The following EML6 variants were observed in gnomAD, a reference collection of about 807,000 sequenced individuals.
EML6 encodes the protein EMAP like 6, also known as echinoderm microtubule-associated protein-like 6.
Under a neutral mutation model 240.1 loss-of-function variants are expected in EML6, and 154 were observed. The ratio of observed to expected loss-of-function variants is 0.64; its 90% CI spans 0.56 to 0.73. The LOEUF (loss-of-function observed/expected upper bound fraction) is 0.73. Ranked by LOEUF, EML6 falls within the 30% of genes least tolerant of loss-of-function variation. The pLI is 0.00. For synonymous variants in EML6, 1,148 were observed against 899.0 expected, an observed-to-expected ratio of 1.28 and a Z score of -4.95; for missense variants, 2,964 against 2,474.6, an observed-to-expected ratio of 1.20 and a Z score of -4.20.
At chr2:54,792,925 A>AT (rs1465853039) in intron 2 of EML6, among the ~76,000 whole-genome samples, 3 of 152,206 alleles carry the variant, frequency 2.0e-5, no homozygotes, top group Non-Finnish European at 2.9e-5. Flanking sequence ...AAAAGAAATG[A>AT]TTTTTAAAGT....
In EML6 at chr2:54,802,032, A is replaced by G. The variant is rs138281673; in HGVS notation, c.198-11200A>G. 6.0e-3 allele frequency among the ~76,000 whole-genome samples: 907 copies of G among 152,296 alleles called. 6 individuals are homozygous for G. Among genetic ancestry groups the G allele is most frequent in the Non-Finnish European group, 9.6e-3 (655 of 68,018 alleles). ...CATCTTGCTCTTACTCAGATGTCTGAAGCTATACATGTCAACTTACTCATT... is the reference window on the plus strand; with the variant it reads ...CATCTTGCTCTTACTCAGATGTCTGGAGCTATACATGTCAACTTACTCATT... On this transcript the variant is annotated intron_variant, in intron 2 of 41. Transcript: ENST00000356458.
chr2:54,880,348 C>T (rs1671750928), intron 17 of EML6: 2 of 152,262 alleles, frequency 1.3e-5, no homozygotes, highest in Admixed American at 6.5e-5. Flanking sequence ...GTGTACCTCC[C>T]TGCTCGTTCT....
At chr2:54,801,222 G>A (rs1334096576) in intron 2 of EML6, among the ~76,000 whole-genome samples, 1 of 151,860 alleles carries the variant, frequency 6.6e-6, no homozygotes, top group Non-Finnish European at 1.5e-5. Context: ...CGGGAGGCTG[G>A]GGCAGGAGAG....
intron 16 of EML6, among the ~76,000 whole-genome samples, chr2:54,877,870 CTT>C (rs1419154443): frequency 6.6e-6 from 1 of 152,170 alleles, no homozygotes; most frequent in Non-Finnish European, 1.5e-5. Context: ...TTAAACCAGA[CTT>C]TTTCTTTCTC....
At chr2:54,905,213 C>T (rs1210479575) in intron 24 of EML6, among the ~76,000 whole-genome samples, 1 of 151,818 alleles carries the variant, frequency 6.6e-6, no homozygotes, top group African/African-American at 2.4e-5. Context: ...TCAGACCCTT[C>T]TTTGATATTC....
At chr2:54,763,962 G>C (rs906710549) in intron 2 of EML6, among the ~76,000 whole-genome samples, 2 of 152,302 alleles carry the variant, frequency 1.3e-5, no homozygotes, top group Non-Finnish European at 2.9e-5. Flanking sequence ...CATCTTGTAG[G>C]GTTTTGACCC....
intron 22 of EML6, among the ~76,000 whole-genome samples, chr2:54,901,745 G>T (rs1039553739): frequency 6.6e-6 from 1 of 152,194 alleles, no homozygotes; most frequent in African/African-American, 2.4e-5. Flanking sequence ...ATGAACAGAG[G>T]AGTTGGTAAA....
At chr2:54,734,100 A>C (rs2104384384) in intron 2 of EML6, among the ~76,000 whole-genome samples, 1 of 152,272 alleles carries the variant, frequency 6.6e-6, no homozygotes, top group South Asian at 2.1e-4. Flanking sequence ...GCACTTTGGG[A>C]GGCCAAGGTG....
chr2:54,958,487 T>G (rs1475886601), intron 33 of EML6, among the ~76,000 whole-genome samples: 1 of 151,160 alleles, frequency 6.6e-6, no homozygotes, highest in Non-Finnish European at 1.5e-5. Flanking sequence ...CCACCTCGCC[T>G]GGCCAATATT....
At chr2:54,880,216 C>G (rs111932995) in intron 17 of EML6, 9 of 152,662 alleles carry the variant, frequency 5.9e-5, no homozygotes, top group African/African-American at 2.2e-4. Context: ...AGCACTAAGT[C>G]TGAACACGAC....
Position 54,948,784 on chromosome 2 carries a change from G to A in EML6, c.4005-98G>A, listed in dbSNP as rs376089862. 1.4e-5 allele frequency: 12 copies of A among 869,938 alleles called. No homozygotes were observed. In the African/African-American group the frequency reaches 1.5e-4, roughly 11 times the overall value. 53.9% of individuals were successfully genotyped at this position (869,938 alleles called of 1,614,324 possible). A position where few individuals can be genotyped will look rare whatever the true frequency, so the allele number is the denominator to read the frequency against. On this transcript the variant is annotated intron_variant, in intron 28 of 41. Coordinates refer to ENST00000356458, the MANE Select transcript of EML6 (RefSeq NM_001039753.4). Reference sequence around the variant, plus strand: ...TGGAGGGGCCTTTGAGGCGGGAGGAGAGAGGAGGCCGGCACTGGCCTAGAC... The same window carrying A: ...TGGAGGGGCCTTTGAGGCGGGAGGAAAGAGGAGGCCGGCACTGGCCTAGAC...
chr2:54,872,734 C>T (rs1411462728), intron 16 of EML6, among the ~76,000 whole-genome samples: 1 of 152,210 alleles, frequency 6.6e-6, no homozygotes, highest in Admixed American at 6.5e-5. Context: ...TGCACTCTTG[C>T]CCTTCTTTTG....
chr2:54,758,794 G>A (rs1186995764), intron 2 of EML6, among the ~76,000 whole-genome samples: 5 of 152,078 alleles, frequency 3.3e-5, no homozygotes, highest in African/African-American at 1.2e-4. Flanking sequence ...TTGCAGGGAT[G>A]GGTTACAGAT....
chr2:54,954,222 C>G (rs1220020989), intron 32 of EML6, 66 bp downstream of exon 32: 1 of 1,413,724 alleles, frequency 7.1e-7, no homozygotes, highest in Non-Finnish European at 9.5e-7. Context: ...CCTGTGGGCT[C>G]GAACCCAGAT....
At chr2:54,900,597 AG>A (rs1328805983) in intron 22 of EML6, among the ~76,000 whole-genome samples, 1 of 152,204 alleles carries the variant, frequency 6.6e-6, no homozygotes, top group African/African-American at 2.4e-5. Context: ...GACTGATAGC[AG>A]GGGACTCTGC....
intron 10 of EML6, 109 bp from the exon 11 acceptor site, chr2:54,853,534 T>C (rs1213705468): frequency 2.1e-5 from 15 of 726,080 alleles, no homozygotes; most frequent in East Asian, 8.8e-5. Flanking sequence ...GATTAAAATA[T>C]GTAGTTTTCT....
chr2:54,862,199 C>G (rs1244141777), intron 12 of EML6, among the ~76,000 whole-genome samples: 1 of 151,608 alleles, frequency 6.6e-6, no homozygotes, highest in Non-Finnish European at 1.5e-5. Flanking sequence ...ATTAGCCAGG[C>G]AAGGTGGAGC....
At chr2:54,736,405 T>C (rs139647144) in intron 2 of EML6, among the ~76,000 whole-genome samples, 211 of 152,336 alleles carry the variant, frequency 1.4e-3, no homozygotes, top group Non-Finnish European at 2.4e-3. Flanking sequence ...GGGCTCTGTC[T>C]CTAACCAGAC....
Position 54,964,681 on chromosome 2 carries a change from T to C in EML6, c.5441T>C (p.Ile1814Thr). The change falls in exon 38 of 42, where the codon ATC becomes ACC. Residue 1814 changes from isoleucine to threonine, a missense_variant. Coordinates refer to ENST00000356458, the MANE Select transcript of EML6 (RefSeq NM_001039753.4). ...AACCGCATTGGCTACTGCAAAGATA[T>C]CCCAAGCTTTGTCATTCAGATGGAT... ...NLNRIGYCKD[I>T]PSFVIQMDFS... is the part of the protein sequence containing the mutation. The C allele has an allele frequency of 1.3e-6, 2 of 1,552,246 alleles. No homozygotes were observed. The highest frequency in any genetic ancestry group is 1.2e-5 in the South Asian group (1 of 84,066).
Sources: allele counts gnomAD v4.1 joint callset (sites outside exome capture counted in the v4.1 genomes callset), GRCh38; gene constraint gnomAD v4.1.1; transcripts MANE v1.5; gene names NCBI Gene and HGNC (gene_info 2026-07-23, HGNC 2026-07-21).